Variants in TLK1 observed in about 807,000 individuals in gnomAD.
The protein encoded by TLK1 is serine/threonine-protein kinase tousled-like 1.
Under a neutral mutation model 105.3 loss-of-function variants are expected in TLK1, and 24 were observed. That is an observed-to-expected ratio of 0.23 (90% CI 0.17 to 0.32). TLK1 has a LOEUF of 0.32. TLK1 is among the 10% of genes least tolerant of loss of function. TLK1 has a pLI of 1.00. For missense variants in TLK1, 558 were observed against 910.5 expected (o/e 0.61, Z 4.98); for synonymous variants, 321 against 310.4 (o/e 1.03, Z -0.36).
intron 3 of TLK1, among the ~76,000 whole-genome samples, chr2:171,079,854 A>C (rs1209787599): frequency 2.6e-5 from 4 of 152,192 alleles, no homozygotes; most frequent in Non-Finnish European, 5.9e-5. Context: ...GAGAAAACGA[A>C]GTACAGAAAA....
intron 2 of TLK1, among the ~76,000 whole-genome samples, chr2:171,086,443 T>C (rs1159508440): frequency 1.3e-5 from 2 of 151,730 alleles, no homozygotes; most frequent in South Asian, 2.1e-4. Flanking sequence ...CTGGCCAACA[T>C]AGTGAAACCC....
upstream of TLK1, among the ~76,000 whole-genome samples, chr2:171,165,196 T>C (rs2105298841): frequency 6.6e-6 from 1 of 152,208 alleles, no homozygotes; most frequent in Non-Finnish European, 1.5e-5. Flanking sequence ...AAGTAAAAGG[T>C]AGTAAACCTG....
intron 18 of TLK1, among the ~76,000 whole-genome samples, chr2:170,998,657 C>A (rs558468535): frequency 8.5e-5 from 13 of 152,186 alleles, no homozygotes; most frequent in African/African-American, 3.1e-4. Context: ...CACACCAGAC[C>A]GTGAGCAGCT....
At chr2:171,056,040 T>C (rs1687486092) in intron 6 of TLK1, among the ~76,000 whole-genome samples, 1 of 152,098 alleles carries the variant, frequency 6.6e-6, no homozygotes, top group South Asian at 2.1e-4. Context: ...ATGATTCTTT[T>C]CCTATACTGA....
intron 12 of TLK1, among the ~76,000 whole-genome samples, chr2:171,021,387 T>C (rs1685494629): frequency 6.6e-6 from 1 of 151,366 alleles, no homozygotes; most frequent in African/African-American, 2.4e-5. Context: ...TCGTGTAGTG[T>C]ACTGCAGTCC....
intron 20 of TLK1, 77 bp from the exon 21 acceptor site, chr2:170,994,033 G>C (rs1683924888): frequency 7.0e-7 from 1 of 1,437,222 alleles, no homozygotes; most frequent in African/African-American, 1.4e-5. Context: ...ATCAGCAGAA[G>C]GATGGACACA....
intron 18 of TLK1, among the ~76,000 whole-genome samples, chr2:171,004,585 G>A (rs1166636486): frequency 2.6e-5 from 4 of 152,116 alleles, no homozygotes; most frequent in Non-Finnish European, 5.9e-5. Flanking sequence ...TCTGTAAAAG[G>A]GAAATTTCCT....
intron 18 of TLK1, 87 bp downstream of exon 18, chr2:171,006,060 C>A (rs1259748945): frequency 1.8e-5 from 23 of 1,311,906 alleles, no homozygotes; most frequent in South Asian, 2.1e-5. Flanking sequence ...TTAATGGCTA[C>A]ATGGAAATAA....
intron 1 of TLK1, among the ~76,000 whole-genome samples, chr2:171,127,291 AAAG>A (rs1229294484): frequency 0.012 from 960 of 81,306 alleles, 13 homozygotes; most frequent in African/African-American, 0.038. Context: ...AAAAAAAAAA[AAAG>A]AAAGAAAAAA....
chr2:171,136,544 T>C (rs1219823609), intron 1 of TLK1, among the ~76,000 whole-genome samples: 1 of 152,022 alleles, frequency 6.6e-6, no homozygotes, highest in African/African-American at 2.4e-5. Context: ...AGTGAGACGC[T>C]GTCTCAAAAA....
At chr2:171,130,415 C>G (rs776062699) in intron 1 of TLK1, among the ~76,000 whole-genome samples, 6 of 152,122 alleles carry the variant, frequency 3.9e-5, no homozygotes, top group Non-Finnish European at 8.8e-5. Context: ...AAAAAAAAAT[C>G]TTGGTAATGA....
intron 3 of TLK1, chr2:171,067,118 C>T (rs1232929697): frequency 2.4e-5 from 17 of 696,692 alleles, no homozygotes; most frequent in Non-Finnish European, 4.2e-6. Flanking sequence ...GGTATACATA[C>T]TTTTAAATGT....
intron 3 of TLK1, among the ~76,000 whole-genome samples, chr2:171,066,608 T>C (rs189774168): frequency 4.6e-5 from 7 of 152,198 alleles, no homozygotes; most frequent in Non-Finnish European, 7.3e-5. Context: ...CATCCTCACA[T>C]TGTGACTTCT....
chr2:171,107,961 G>A (rs775504796), intron 2 of TLK1, among the ~76,000 whole-genome samples: 10 of 151,866 alleles, frequency 6.6e-5, no homozygotes, highest in Non-Finnish European at 1.0e-4. Context: ...GGAGGCTTAC[G>A]CATGAGGATC....
chr2:171,035,869 A>C (rs2723242), intron 11 of TLK1, among the ~76,000 whole-genome samples: 3 of 152,024 alleles, frequency 2.0e-5, no homozygotes, highest in Non-Finnish European at 4.4e-5. Flanking sequence ...AGCTGGAAAA[A>C]GAAAGGAAAT....
intron 1 of TLK1, among the ~76,000 whole-genome samples, chr2:171,128,932 T>C (rs1050642334): frequency 1.3e-5 from 2 of 152,070 alleles, no homozygotes; most frequent in African/African-American, 4.8e-5. Flanking sequence ...CAACTAAGCA[T>C]CTCTGTCCCA....
intron 1 of TLK1, among the ~76,000 whole-genome samples, chr2:171,180,350 T>C (rs1692907508): frequency 6.6e-6 from 1 of 152,152 alleles, no homozygotes; most frequent in African/African-American, 2.4e-5. Flanking sequence ...TATTGATATC[T>C]CTCTTCTTGA....
chr2:171,154,678 C>G (rs1316366880), intron 1 of TLK1, among the ~76,000 whole-genome samples: 1 of 152,144 alleles, frequency 6.6e-6, no homozygotes, highest in African/African-American at 2.4e-5. Flanking sequence ...TCCCCTATAC[C>G]ATACTGCTTC....
chr2:171,043,891 T>C (rs1686812744), intron 11 of TLK1, among the ~76,000 whole-genome samples: 1 of 152,172 alleles, frequency 6.6e-6, no homozygotes, highest in Admixed American at 6.5e-5. Context: ...CACTTTCTTT[T>C]AATACAATCA....
Sources: allele counts gnomAD v4.1 joint callset (sites outside exome capture counted in the v4.1 genomes callset), GRCh38; gene constraint gnomAD v4.1.1; transcripts MANE v1.5; gene names NCBI Gene and HGNC (gene_info 2026-07-23, HGNC 2026-07-21).